The following ZNF430 variants were observed in gnomAD, a reference collection of about 807,000 sequenced individuals.
The protein encoded by ZNF430 is zinc finger protein 430.
In ZNF430, 35 loss-of-function variants were observed where a neutral mutation model predicts 56.7. That is an observed-to-expected ratio of 0.62 (90% CI 0.47 to 0.82). The LOEUF (loss-of-function observed/expected upper bound fraction) is 0.82, where lower values mean the gene tolerates loss of function less well. Among genes scored for constraint, ZNF430 ranks in the 40% least tolerant of loss-of-function variants. ZNF430 has a pLI of 0.00. For missense variants in ZNF430, 574 were observed against 661.0 expected (o/e 0.87, Z 1.44); for synonymous variants, 212 against 224.3 (o/e 0.94, Z 0.49).
chr19:21,048,616 C>G (rs1968225086), intron 4 of ZNF430, among the ~76,000 whole-genome samples: 1 of 152,218 alleles, frequency 6.6e-6, no homozygotes, highest in African/African-American at 2.4e-5. Context: ...TCTGATTTCT[C>G]TATCTTTTCC....
intron 4 of ZNF430, among the ~76,000 whole-genome samples, chr19:21,053,276 C>G (rs940843654): frequency 7.2e-5 from 11 of 152,218 alleles, no homozygotes; most frequent in African/African-American, 2.6e-4. Flanking sequence ...GGTGATGACT[C>G]AGTACACTCT....
chr19:21,029,447 CAG>C (rs1967861750), intron 2 of ZNF430, among the ~76,000 whole-genome samples: 1 of 152,196 alleles, frequency 6.6e-6, no homozygotes, highest in African/African-American at 2.4e-5. Context: ...ATAAAATTGA[CAG>C]GGCAGTGGCA....
chr19:21,032,817 G>A (rs763249088), intron 2 of ZNF430, among the ~76,000 whole-genome samples: 1 of 152,118 alleles, frequency 6.6e-6, no homozygotes, highest in Non-Finnish European at 1.5e-5. Context: ...AGAATCTCCA[G>A]TTTATTGTTC....
In ZNF430 at chr19:21,057,358, T is replaced by C; in HGVS notation, c.1050T>C (p.Cys350=). The C allele has an allele frequency of 6.2e-7, 1 of 1,613,498 alleles. No homozygotes were observed. Among genetic ancestry groups the C allele is most frequent in the African/African-American group, 1.3e-5 (1 of 75,042 alleles). ...TGEKPYKCEE[C]GKAFNQSSTL... ...AGAAACCCTACAAATGTGAAGAATG[T>C]GGCAAAGCTTTTAACCAATCCTCAA... The change falls in exon 5 of 5, where the codon TGT becomes TGC. Residue 350 remains cysteine, a synonymous_variant. Transcript: ENST00000261560.
chr19:21,039,385 A>G (rs1968061113), intron 4 of ZNF430, among the ~76,000 whole-genome samples: 1 of 143,450 alleles, frequency 7.0e-6, no homozygotes, highest in Non-Finnish European at 1.5e-5. Flanking sequence ...GTGAGCCACT[A>G]CACTCGGCCC....
At position 21,033,648 on chromosome 19, in the gene ZNF430, A is replaced by G. The variant is rs1025143132; in HGVS notation, c.223+66A>G. On this transcript the variant is annotated intron_variant, in intron 3 of 4. Transcript: ENST00000261560. ...AGGTTTCATTTCTCATTTTTTGAGA[A>G]TAATTTTTGGTAATTTATGCTTTGC... 2.7e-6 allele frequency: 4 copies of G among 1,493,908 alleles called. No homozygotes were observed. In the African/African-American group the frequency reaches 4.3e-5, roughly 16 times the overall value. The allele number at this position is 1,493,908 out of a possible 1,614,324, so 92.5% of individuals were successfully genotyped here.
chr19:21,022,697 G>A, intron 1 of ZNF430, 92 bp from the exon 2 acceptor site: 1 of 938,550 alleles, frequency 1.1e-6, no homozygotes, highest in Non-Finnish European at 1.8e-6. Context: ...CTGGGTTTCA[G>A]TATTGTCTGG....
Position 21,050,297 on chromosome 19 carries a change from A to G in ZNF430, c.323-6334A>G, listed in dbSNP as rs111713598. On this transcript the variant is annotated intron_variant, in intron 4 of 4. Coordinates refer to ENST00000261560, the MANE Select transcript of ZNF430 (RefSeq NM_025189.4). ...TTTTGCAATTTTATATTTTTATGTT[A>G]TATATTTTAGGGTATGCCACCTCAT... Among the ~76,000 whole-genome samples the G allele has an allele frequency of 1.0e-3, 155 of 152,168 alleles. 1 individual carries two copies. The highest frequency in any genetic ancestry group is 3.2e-3 in the African/African-American group (133 of 41,520).
intron 2 of ZNF430, 30 bp from the exon 3 acceptor site, chr19:21,033,426 A>G (rs777109029): frequency 4.4e-6 from 7 of 1,593,998 alleles, no homozygotes; most frequent in Non-Finnish European, 5.1e-6. Flanking sequence ...TGGTAAATAT[A>G]CGTGTGTCTT....
rs1056174169 is a variant in ZNF430, at chr19:21,058,675, C to G, written c.*654C>G. The stretch of plus-strand genomic sequence containing the variant: ...TACAAGTGTGAACAGTGTGGCAAAA[C>G]TTTTAATGAATGCTCACACCTTATT... On this transcript the variant is annotated 3_prime_UTR_variant, in exon 5 of 5. Transcript: ENST00000261560. 5 of 153,312 alleles carry G rather than the reference C, an allele frequency of 3.3e-5. No individual in the cohort carries two copies. Among genetic ancestry groups the G allele is most frequent in the African/African-American group, 1.2e-4 (5 of 41,366 alleles). 9.5% of individuals were successfully genotyped at this position (153,312 alleles called of 1,614,324 possible).
At chr19:21,031,798 A>G (rs922332533) in intron 2 of ZNF430, among the ~76,000 whole-genome samples, 1 of 152,212 alleles carries the variant, frequency 6.6e-6, no homozygotes, top group African/African-American at 2.4e-5. Context: ...ACTCTGCTTC[A>G]TGGAATGCCA....
intron 4 of ZNF430, among the ~76,000 whole-genome samples, chr19:21,050,479 T>A (rs1241024331): frequency 6.6e-6 from 1 of 152,202 alleles, no homozygotes; most frequent in African/African-American, 2.4e-5. Context: ...GTATAAATAT[T>A]CTCTCTGTAT....
intron 4 of ZNF430, among the ~76,000 whole-genome samples, chr19:21,048,627 C>T (rs1000777710): frequency 2.6e-5 from 4 of 152,176 alleles, no homozygotes; most frequent in African/African-American, 9.6e-5. Flanking sequence ...TATCTTTTCC[C>T]CACATTCCCC....
chr19:21,058,172 C>A lies in ZNF430; in HGVS notation c.*151C>A. Reference sequence around the variant, plus strand: ...GACATAAGATAATTCTGGCTGGGTGCGGTGGCTCACACCTGTAATCCCAGC... The same window carrying A: ...GACATAAGATAATTCTGGCTGGGTGAGGTGGCTCACACCTGTAATCCCAGC... On this transcript the variant is annotated 3_prime_UTR_variant, in exon 5 of 5. Transcript: ENST00000261560. The A allele has an allele frequency of 2.7e-6, 2 of 749,734 alleles. No individual in the cohort carries two copies. Among genetic ancestry groups the A allele is most frequent in the Non-Finnish European group, 4.2e-6 (2 of 475,328 alleles). The allele number at this position is 749,734 out of a possible 1,614,324, so 46.4% of individuals were successfully genotyped here. A position where few individuals can be genotyped will look rare whatever the true frequency, so the allele number is the denominator to read the frequency against.
intron 2 of ZNF430, among the ~76,000 whole-genome samples, chr19:21,030,188 A>T (rs1026927673): frequency 6.6e-6 from 1 of 152,220 alleles, no homozygotes; most frequent in Non-Finnish European, 1.5e-5. Flanking sequence ...AGCCACAAAC[A>T]AGTAAATGTA....
At chr19:21,049,173 CAAAAAAA>C (rs746043747) in intron 4 of ZNF430, among the ~76,000 whole-genome samples, 10 of 65,256 alleles carry the variant, frequency 1.5e-4, no homozygotes, top group Admixed American at 4.9e-4. Context: ...GACTCCATCT[CAAAAAAA>C]AAAAAAAAAA....
At chr19:21,050,633 A>G (rs1043716030) in intron 4 of ZNF430, among the ~76,000 whole-genome samples, 1 of 152,190 alleles carries the variant, frequency 6.6e-6, no homozygotes, top group African/African-American at 2.4e-5. Context: ...GGATTTGAAG[A>G]TTATATACAA....
intron 4 of ZNF430, chr19:21,049,597 C>T (rs868565305): frequency 6.7e-6 from 1 of 149,550 alleles, no homozygotes; most frequent in African/African-American, 2.5e-5. Flanking sequence ...AGGCATGAGC[C>T]ACTATGTCTG....
chr19:21,029,381 A>G (rs1480696675), intron 2 of ZNF430, among the ~76,000 whole-genome samples: 1 of 151,306 alleles, frequency 6.6e-6, no homozygotes, highest in East Asian at 1.9e-4. Context: ...ATCTTCTAGT[A>G]TAATTATTCT....
Sources: gnomAD v4.1 joint callset for allele counts (sites outside exome capture counted in the v4.1 genomes callset) on GRCh38, gnomAD v4.1.1 for gene constraint, MANE v1.5 for transcripts, NCBI Gene and HGNC (gene_info 2026-07-23, HGNC 2026-07-21) for gene names.